Variants in OR52I2 observed in about 807,000 individuals in gnomAD.
OR52I2 encodes olfactory receptor family 52 subfamily I member 2.
For synonymous variants in OR52I2, 147 were observed against 151.9 expected, an observed-to-expected ratio of 0.97 and a Z score of 0.24; for missense variants, 350 against 402.4, an observed-to-expected ratio of 0.87 and a Z score of 1.11.
exon 2 of OR52I2, chr11:4,590,572 C>T (rs1053381185): frequency 6.6e-6 from 1 of 152,168 alleles, no homozygotes; most frequent in African/African-American, 2.4e-5. Flanking sequence ...GCCTCAGCAT[C>T]AGCTGAGGCT....
intron 1 of OR52I2, among the ~76,000 whole-genome samples, chr11:4,582,433 C>CCTTTT (rs1564859030): frequency 1.9e-4 from 14 of 74,664 alleles, no homozygotes; most frequent in South Asian, 5.6e-4. Flanking sequence ...ATTTATTTTT[C>CCTTTT]ATTTTTTTTT....
intron 1 of OR52I2, among the ~76,000 whole-genome samples, chr11:4,586,002 A>C (rs1009534829): frequency 6.6e-6 from 1 of 152,230 alleles, no homozygotes; most frequent in Non-Finnish European, 1.5e-5. Flanking sequence ...GTTTATCATG[A>C]AAAAATAGCT....
exon 2 of OR52I2, chr11:4,588,888 C>T (rs1048403996): frequency 1.3e-5 from 2 of 152,220 alleles, no homozygotes; most frequent in African/African-American, 2.4e-5. Context: ...ATGGCAGCTA[C>T]TTCAGGAGGT....
chr11:4,582,433 C>CTTTTTTT (rs1564859030), intron 1 of OR52I2, among the ~76,000 whole-genome samples: 2 of 74,660 alleles, frequency 2.7e-5, no homozygotes, highest in Non-Finnish European at 5.3e-5. Flanking sequence ...ATTTATTTTT[C>CTTTTTTT]ATTTTTTTTT....
At chr11:4,587,637 G>A (rs771750134) in exon 2 of OR52I2, 1 of 1,614,134 alleles carries the variant, frequency 6.2e-7, no homozygotes, top group Admixed American at 1.7e-5. Flanking sequence ...GCTCCCATGT[G>A]GGGGTTATGG....
chr11:4,588,919 A>G (rs1188034747), exon 2 of OR52I2: 1 of 152,232 alleles, frequency 6.6e-6, no homozygotes, highest in Non-Finnish European at 1.5e-5. Flanking sequence ...GACTGAGATA[A>G]TCTTTGAAAA....
At chr11:4,582,260 G>T (rs1846262890) in intron 1 of OR52I2, among the ~76,000 whole-genome samples, 1 of 151,994 alleles carries the variant, frequency 6.6e-6, no homozygotes, top group South Asian at 2.1e-4. Context: ...AAAGGGAAAG[G>T]CTCTACTCAA....
chr11:4,586,502 G>C (rs1589843245), intron 1 of OR52I2, among the ~76,000 whole-genome samples: 2 of 152,200 alleles, frequency 1.3e-5, no homozygotes, highest in East Asian at 1.9e-4. Flanking sequence ...TCATAAACAA[G>C]AGACATACAC....
At chr11:4,587,904 C>A in exon 2 of OR52I2, 2 of 1,520,846 alleles carry the variant, frequency 1.3e-6, no homozygotes, top group Non-Finnish European at 1.8e-6. Flanking sequence ...TTCAAAGATG[C>A]CTTAGAGATC....
intron 1 of OR52I2, among the ~76,000 whole-genome samples, chr11:4,584,730 C>T (rs75181483): frequency 0.016 from 2,510 of 152,160 alleles, 49 homozygotes; most frequent in African/African-American, 0.046. Context: ...TAGTGGGCTC[C>T]TCATCATAGT....
chr11:4,589,285 T>C (rs1464421340), exon 2 of OR52I2: 1 of 152,230 alleles, frequency 6.6e-6, no homozygotes, highest in South Asian at 2.1e-4. Context: ...GAAAGGACAA[T>C]ATGACTCTCC....
At chr11:4,588,331 A>G in exon 2 of OR52I2, 1 of 161,552 alleles carries the variant, frequency 6.2e-6, no homozygotes, top group Non-Finnish European at 1.4e-5. Context: ...ACCCTTCGCC[A>G]TTAAAAAGAA....
intron 1 of OR52I2, among the ~76,000 whole-genome samples, chr11:4,584,949 T>C (rs1846287885): frequency 6.6e-6 from 1 of 152,218 alleles, no homozygotes; most frequent in South Asian, 2.1e-4. Flanking sequence ...AGTTTCATTT[T>C]ATATTAGCTA....
At chr11:4,589,806 G>C (rs1589844229) in exon 2 of OR52I2, 1 of 152,044 alleles carries the variant, frequency 6.6e-6, no homozygotes, top group Non-Finnish European at 1.5e-5. Flanking sequence ...AAACAGAAAG[G>C]CTTGATTCAA....
chr11:4,587,715 G>C, exon 2 of OR52I2: 1 of 1,614,152 alleles, frequency 6.2e-7, no homozygotes, highest in Middle Eastern at 1.6e-4. Context: ...TAGTGCCCTT[G>C]CACACCCAAG....
exon 2 of OR52I2, chr11:4,587,530 G>C (rs1485373269): frequency 1.2e-6 from 2 of 1,614,056 alleles, no homozygotes; most frequent in South Asian, 1.1e-5. Context: ...GGTGGGCTCT[G>C]ATGTGGCCTT....
exon 2 of OR52I2, chr11:4,593,323 G>T (rs1181313837): frequency 6.5e-6 from 1 of 154,606 alleles, no homozygotes; most frequent in Admixed American, 6.3e-5. Context: ...TAGGATCCAG[G>T]GTAAATTTAG....
chr11:4,592,276 G>A (rs1232574719), exon 2 of OR52I2: 1 of 152,182 alleles, frequency 6.6e-6, no homozygotes, highest in Non-Finnish European at 1.5e-5. Context: ...GGGTGAAGAA[G>A]TTGAGGCTTG....
intron 1 of OR52I2, among the ~76,000 whole-genome samples, chr11:4,582,195 G>C (rs112353392): frequency 6.6e-6 from 1 of 152,118 alleles, no homozygotes; most frequent in Non-Finnish European, 1.5e-5. Flanking sequence ...GGGGTGACTG[G>C]GAGTATGCTT....
Sources: allele counts gnomAD v4.1 joint callset (sites outside exome capture counted in the v4.1 genomes callset), GRCh38; gene constraint gnomAD v4.1.1; transcripts MANE v1.5; gene names NCBI Gene and HGNC (gene_info 2026-07-23, HGNC 2026-07-21).